The following MRC2 variants were observed in gnomAD, a reference collection of about 807,000 sequenced individuals.
MRC2 encodes mannose receptor C-type 2, also known as C-type mannose receptor 2.
Under a neutral mutation model 206.2 loss-of-function variants are expected in MRC2, and 84 were observed. That is an observed-to-expected ratio of 0.41 (90% confidence interval 0.34 to 0.49). The LOEUF (loss-of-function observed/expected upper bound fraction) is 0.49. Ranked by LOEUF, MRC2 falls within the 20% of genes least tolerant of loss-of-function variation. The pLI is 0.31. For synonymous variants in MRC2, 798 were observed against 800.0 expected (o/e 1.00, Z 0.04); for missense variants, 1,676 against 2,001.5 (o/e 0.84, Z 3.10).
At chr17:62,676,571 G>A (rs376458202) in intron 11 of MRC2, 40 bp downstream of exon 11, 89 of 1,549,744 alleles carry the variant, frequency 5.7e-5, no homozygotes, top group Non-Finnish European at 7.4e-5. Context: ...AAGCGAGGAG[G>A]GAGGCCAGGG....
At chr17:62,676,589 GC>G in intron 11 of MRC2, 58 bp downstream of exon 11, 1 of 1,531,818 alleles carries the variant, frequency 6.5e-7, no homozygotes, top group Non-Finnish European at 8.8e-7. Context: ...GGGTGGACTG[GC>G]CCTGCCAGCA....
chr17:62,676,125 G>A (rs2088888939), intron 10 of MRC2, among the ~76,000 whole-genome samples: 1 of 152,160 alleles, frequency 6.6e-6, no homozygotes, highest in Non-Finnish European at 1.5e-5. Context: ...ACAGGTGTGG[G>A]CTGGATACTT....
chr17:62,646,218 G>A (rs2088483497), intron 1 of MRC2, among the ~76,000 whole-genome samples: 2 of 151,922 alleles, frequency 1.3e-5, no homozygotes, highest in African/African-American at 2.4e-5. Context: ...TAGAGACGGG[G>A]TTTCACCGTG....
intron 12 of MRC2, among the ~76,000 whole-genome samples, chr17:62,678,033 G>A (rs1278979527): frequency 6.6e-6 from 1 of 152,222 alleles, no homozygotes; most frequent in Admixed American, 6.5e-5. Flanking sequence ...CTGGGTGACA[G>A]AGCGAGACTC....
At chr17:62,641,353 A>C (rs2088401305) in intron 1 of MRC2, among the ~76,000 whole-genome samples, 1 of 151,582 alleles carries the variant, frequency 6.6e-6, no homozygotes, top group Middle Eastern at 3.4e-3. Context: ...GAAAAGAAAG[A>C]TGGAGGCAAT....
At position 62,692,789 on chromosome 17, in the gene MRC2, T is replaced by C. The variant is rs543644943; in HGVS notation, c.*338T>C. 1 of 290,684 alleles carries C rather than the reference T, an allele frequency of 3.4e-6. No individual in the cohort carries two copies. Among genetic ancestry groups the C allele is most frequent in the African/African-American group, 2.1e-5 (1 of 46,756 alleles). 18.0% of individuals were successfully genotyped at this position (290,684 alleles called of 1,614,324 possible). ...AGAGCCCCCGGCCCAGGCCTGTTGA[T>C]CCGCGCCCCAGGACCCCCTTCTTTG... On this transcript the variant is annotated 3_prime_UTR_variant, in exon 30 of 30. Coordinates refer to ENST00000303375, the MANE Select transcript of MRC2 (RefSeq NM_006039.5). This position sits in a 1 kb window ranked among gnomAD's most constrained non-coding sequence, Gnocchi z 4.2.
chr17:62,682,705 G>C (rs1267957222), intron 20 of MRC2, among the ~76,000 whole-genome samples: 1 of 150,808 alleles, frequency 6.6e-6, no homozygotes, highest in Non-Finnish European at 1.5e-5. Flanking sequence ...GCAGTGGCGC[G>C]ATCTCGGCTC....
Position 62,666,034 on chromosome 17 carries a change from G to C in MRC2, c.521-60G>C. ...TAGGGGATTTCTCCTGAGGGTCGAGGGGCTTGGCAGCCTCTGGTGTCCAGA... is the reference window on the plus strand; with the variant it reads ...TAGGGGATTTCTCCTGAGGGTCGAGCGGCTTGGCAGCCTCTGGTGTCCAGA... On this transcript the variant is annotated intron_variant, in intron 2 of 29. Coordinates refer to ENST00000303375, the MANE Select transcript of MRC2 (RefSeq NM_006039.5). This position sits in a 1 kb window ranked among gnomAD's most constrained non-coding sequence, Gnocchi z 5.0. 1 of 1,512,886 alleles carries C rather than the reference G, an allele frequency of 6.6e-7. No individual in the cohort carries two copies. Among genetic ancestry groups the C allele is most frequent in the South Asian group, 1.3e-5 (1 of 79,310 alleles). The allele number at this position is 1,512,886 out of a possible 1,614,324, so 93.7% of individuals were successfully genotyped here.
chr17:62,690,386 C>T, intron 26 of MRC2, 81 bp downstream of exon 26: 1 of 1,499,942 alleles, frequency 6.7e-7, no homozygotes, highest in South Asian at 1.3e-5. Flanking sequence ...GAGTACATCC[C>T]CACACTGCTC....
In MRC2 at chr17:62,677,413, A is replaced by T. The variant is rs777220585; in HGVS notation, c.1979A>T (p.Asp660Val). 2 of 1,611,848 alleles carry T rather than the reference A, an allele frequency of 1.2e-6. No homozygotes were observed. Among genetic ancestry groups the T allele is most frequent in the African/African-American group, 2.7e-5 (2 of 74,924 alleles). Residue 660 changes from aspartate (D) to valine (V), a missense_variant, in exon 12 of 30, where the codon GAT (aspartate) becomes GTT (valine). Physicochemically the swap from Asp to Val is radical, Grantham distance 152. This residue lies in a region of MRC2 where 1,354 missense variants were observed against 1,636.6 expected (regional missense o/e 0.83). Coordinates refer to ENST00000303375, the MANE Select transcript of MRC2 (RefSeq NM_006039.5). ...TPVTPELPGP[D>V]PTPSLTGSCP... ...GTGACGCCGGAGCTGCCGGGGCCAGATCCCACGCCCAGCCTCACTGGCTCC... is the reference window on the plus strand; with the variant it reads ...GTGACGCCGGAGCTGCCGGGGCCAGTTCCCACGCCCAGCCTCACTGGCTCC...
chr17:62,680,614 G>A lies in MRC2; in HGVS notation c.2473+161G>A, dbSNP rs1329754568. On this transcript the variant is annotated intron_variant, in intron 16 of 29. Coordinates refer to ENST00000303375, the MANE Select transcript of MRC2 (RefSeq NM_006039.5). The surrounding 1 kb of genome is among the most constrained non-coding windows in gnomAD (Gnocchi z 4.8). ...GACGGAGGCAGCCACAGCCCTGTTTGCTTCCGTGTGGGAGGCGAGGCAAGC... is the reference window on the plus strand; with the variant it reads ...GACGGAGGCAGCCACAGCCCTGTTTACTTCCGTGTGGGAGGCGAGGCAAGC... 3 of 1,288,144 alleles carry A rather than the reference G, an allele frequency of 2.3e-6. No individual in the cohort carries two copies. In the African/African-American group the frequency reaches 4.4e-5, roughly 19 times the overall value. The allele number at this position is 1,288,144 out of a possible 1,614,324, so 79.8% of individuals were successfully genotyped here.
At position 62,633,840 on chromosome 17, in the gene MRC2, CAAAAAAAAAAAAAAAAAAAAAAAA is replaced by C. The variant is rs571793821; in HGVS notation, c.118+5939_118+5962del. Among the ~76,000 whole-genome samples the C allele has an allele frequency of 2.7e-4, 9 of 33,918 alleles. No homozygotes were observed. The South Asian group carries it at 6.0e-3, about 23-fold the overall frequency. The allele number at this position is 33,918 out of a possible 152,430, so 22.3% of individuals were successfully genotyped here. On this transcript the variant is annotated intron_variant, in intron 1 of 29. Coordinates refer to ENST00000303375, the MANE Select transcript of MRC2 (RefSeq NM_006039.5). ...TGAGTGACAGAGTGAGACCCTGTCT[CAAAAAAAAAAAAAAAAAAAAAAAA>C]AAAAAAAAAAAAAAAAAATCCTAAC... is the stretch of plus-strand genomic sequence containing the variant.
intron 22 of MRC2, 44 bp downstream of exon 22, chr17:62,688,708 A>G (rs1391701342): frequency 6.2e-7 from 1 of 1,603,496 alleles, no homozygotes; most frequent in African/African-American, 1.3e-5. Flanking sequence ...CGCTGCCCTA[A>G]GCCTGTGGGG....
chr17:62,663,686 C>T (rs893407411), intron 1 of MRC2, among the ~76,000 whole-genome samples: 4 of 151,920 alleles, frequency 2.6e-5, no homozygotes, highest in East Asian at 3.9e-4. Flanking sequence ...TAAATTGCTG[C>T]GTAAAAATTA....
In MRC2 at chr17:62,666,704, C is replaced by T. The variant is rs547029864; in HGVS notation, c.860-53C>T. On this transcript the variant is annotated intron_variant, in intron 4 of 29. Coordinates refer to ENST00000303375, the MANE Select transcript of MRC2 (RefSeq NM_006039.5). The surrounding 1 kb of genome is among the most constrained non-coding windows in gnomAD (Gnocchi z 5.0). ...GGGTTGGGGAGAGGGCGATGGGGAG[C>T]GGGGGAGGCTGGGGCTGGGGATCCC... is the stretch of plus-strand genomic sequence containing the variant. The T allele has an allele frequency of 7.5e-5, 48 of 636,662 alleles. No individual in the cohort carries two copies. The East Asian group carries it at 1.3e-3, about 17-fold the overall frequency. The allele number at this position is 636,662 out of a possible 1,614,324, so 39.4% of individuals were successfully genotyped here.
At chr17:62,635,135 T>A (rs938512853) in intron 1 of MRC2, among the ~76,000 whole-genome samples, 1 of 151,494 alleles carries the variant, frequency 6.6e-6, no homozygotes, top group African/African-American at 2.4e-5. Context: ...CCAGCCCCAT[T>A]GTTTTTTTTT....
At position 62,667,809 on chromosome 17, in the gene MRC2, C is replaced by T. The variant is rs1465704542; in HGVS notation, c.1117+276C>T. Among the ~76,000 whole-genome samples the T allele has an allele frequency of 1.3e-5, 2 of 152,238 alleles. No homozygotes were observed. The highest frequency in any genetic ancestry group is 6.5e-5 in the Admixed American group (1 of 15,288). On this transcript the variant is annotated intron_variant, in intron 6 of 29. Transcript: ENST00000303375. The surrounding 1 kb of genome is among the most constrained non-coding windows in gnomAD (Gnocchi z 4.1). Reference sequence around the variant, plus strand: ...ACAGTCTGCTGGAGGTGACAGACATCTCAATGCAGTTAGACTATCCCAGGT... The same window carrying T: ...ACAGTCTGCTGGAGGTGACAGACATTTCAATGCAGTTAGACTATCCCAGGT...
At position 62,690,675 on chromosome 17, in the gene MRC2, T is replaced by TG; in HGVS notation, c.3928dup (p.Glu1310GlyfsTer13). 6.2e-7 allele frequency: 1 copy of TG among 1,612,766 alleles called. No individual in the cohort carries two copies. The highest frequency in any genetic ancestry group is 8.5e-7 in the Non-Finnish European group (1 of 1,179,440). ...GCCGTCCTGTCTATCCTGGATGAGA[T>TG]GGAGAATGTGTTTGTCTGGGAGCAC... On this transcript the variant is annotated frameshift_variant, in exon 27 of 30. Coordinates refer to ENST00000303375, the MANE Select transcript of MRC2 (RefSeq NM_006039.5). LOFTEE classifies it high-confidence loss of function.
Position 62,682,254 on chromosome 17 carries a change from G to A in MRC2, c.2823G>A (p.Arg941=), listed in dbSNP as rs751850178. The A allele has an allele frequency of 2.5e-6, 4 of 1,599,044 alleles. No homozygotes were observed. The highest frequency in any genetic ancestry group is 1.1e-5 in the South Asian group (1 of 88,676). The part of the protein sequence containing the change: ...TASREDWGDQ[R]CLTALPYICK... ...CCGCAGAGGACTGGGGGGACCAGAG[G>A]TGCCTGACAGCCTTGCCCTACATCT... Residue 941 remains arginine (R), a synonymous_variant, in exon 20 of 30, where the codon AGG becomes AGA. Transcript: ENST00000303375.
Sources: gnomAD v4.1 joint callset for allele counts (sites outside exome capture counted in the v4.1 genomes callset) on GRCh38, gnomAD v4.1.1 for gene constraint, gnomAD v4.1.1 regional missense constraint, Gnocchi (gnomAD v3.1) non-coding constraint, MANE v1.5 for transcripts, NCBI Gene and HGNC (gene_info 2026-07-23, HGNC 2026-07-21) for gene names.